PAICS: variants seen among roughly 807,000 people sequenced by gnomAD.
PAICS encodes phosphoribosylaminoimidazole carboxylase and phosphoribosylaminoimidazolesuccinocarboxamide synthase, also known as bifunctional phosphoribosylaminoimidazole carboxylase/phosphoribosylaminoimidazole succinocarboxamide synthetase.
Under a neutral mutation model 53.7 loss-of-function variants are expected in PAICS, and 33 were observed. That is an observed-to-expected ratio of 0.61 (90% CI 0.47 to 0.82). The LOEUF (loss-of-function observed/expected upper bound fraction) is 0.82. PAICS is among the 40% of genes least tolerant of loss of function. The pLI, the probability that PAICS is intolerant of heterozygous loss-of-function variation, is 0.00. For missense variants in PAICS, 394 were observed against 494.1 expected, an observed-to-expected ratio of 0.80 and a Z score of 1.92; for synonymous variants, 141 against 167.2, an observed-to-expected ratio of 0.84 and a Z score of 1.21.
At chr4:56,449,962 G>A (rs953117129) in intron 5 of PAICS, among the ~76,000 whole-genome samples, 51 of 148,608 alleles carry the variant, frequency 3.4e-4, no homozygotes, top group Non-Finnish European at 4.4e-4. Flanking sequence ...TTGACAGAGC[G>A]AGACTCTGTC....
intron 7 of PAICS, 30 bp downstream of exon 7, chr4:56,452,082 G>A (rs1299806171): frequency 2.1e-6 from 3 of 1,433,140 alleles, no homozygotes; most frequent in South Asian, 2.5e-5. Context: ...GACATTTCAG[G>A]TATTTCTGAT....
At chr4:56,435,129 A>G (rs531211606), upstream of PAICS, among the ~76,000 whole-genome samples, 8 of 152,298 alleles carry the variant, frequency 5.3e-5, no homozygotes, top group East Asian at 5.8e-4. Flanking sequence ...CCTAAAAGGC[A>G]TAAGTGGCTG....
chr4:56,459,495 C>A lies in PAICS; in HGVS notation c.1235C>A (p.Ser412Tyr), dbSNP rs775478666. The A allele has an allele frequency of 6.3e-7, 1 of 1,586,602 alleles. No individual in the cohort carries two copies. The highest frequency in any genetic ancestry group is 8.6e-7 in the Non-Finnish European group (1 of 1,160,266). Residue 412 changes from serine to tyrosine, a missense_variant, in exon 9 of 9, where the codon TCC becomes TAC. Transcript: ENST00000512576. ...GCAAGCATTTTGAACACATGGATTTCCTTGAAGCAGGCTGACAAGAAAATC... is the reference window on the plus strand; with the variant it reads ...GCAAGCATTTTGAACACATGGATTTACTTGAAGCAGGCTGACAAGAAAATC... The part of the protein sequence containing the change: ...LRASILNTWI[S>Y]LKQADKKIRE...
At chr4:56,453,849 T>C in intron 8 of PAICS, 88 bp downstream of exon 8, 5 of 892,026 alleles carry the variant, frequency 5.6e-6, no homozygotes, top group Non-Finnish European at 8.5e-6. Flanking sequence ...TAAAATCTCA[T>C]GTACCCATGA....
chr4:56,459,448 T>C lies in PAICS; in HGVS notation c.1188T>C (p.His396=), dbSNP rs748918494. 46 of 1,608,986 alleles carry C rather than the reference T, an allele frequency of 2.9e-5. No individual in the cohort carries two copies. Among genetic ancestry groups the C allele is most frequent in the Non-Finnish European group, 2.6e-6 (3 of 1,176,250 alleles). The change falls in exon 9 of 9, where the codon CAT becomes CAC. Residue 396 remains histidine (H), a synonymous_variant. Coordinates refer to ENST00000512576, the MANE Select transcript of PAICS (RefSeq NM_001079524.2). ...CTCAGATATTTGGGTTAAGCAACCA[T>C]TTGGTATGGAGCAAACTGCGAGCAA... is the stretch of plus-strand genomic sequence containing the variant. ...FAAQIFGLSN[H]LVWSKLRASI... is the part of the protein sequence containing the mutation.
Position 56,462,317 on chromosome 4 carries a change from G to C in PAICS, c.*2779G>C, listed in dbSNP as rs1719546211. On this transcript the variant is annotated 3_prime_UTR_variant, in exon 9 of 9. Coordinates refer to ENST00000512576, the MANE Select transcript of PAICS (RefSeq NM_001079524.2). ...GCTAGAGCTCTGTGAACAAGGATGA[G>C]AGTGGAAGACAATATAAGCAAAGGC... 6.6e-6 allele frequency: 1 copy of C among 152,212 alleles called. No individual in the cohort carries two copies. Among genetic ancestry groups the C allele is most frequent in the African/African-American group, 2.4e-5 (1 of 41,458 alleles). The allele number at this position is 152,212 out of a possible 1,614,324, so 9.4% of individuals were successfully genotyped here.
At chr4:56,455,040 C>T (rs920310464) in intron 8 of PAICS, among the ~76,000 whole-genome samples, 1 of 152,076 alleles carries the variant, frequency 6.6e-6, no homozygotes, top group Non-Finnish European at 1.5e-5. Flanking sequence ...CATCTGTAAT[C>T]CCAGCTACTC....
the PAICS span, among the ~76,000 whole-genome samples, chr4:56,430,058 C>G: frequency 6.6e-6 from 1 of 152,078 alleles, no homozygotes; most frequent in Non-Finnish European, 1.5e-5. Flanking sequence ...CTCAGGAGTT[C>G]AAGACCAGTC....
chr4:56,429,459 T>C, the PAICS span, among the ~76,000 whole-genome samples: 2 of 152,122 alleles, frequency 1.3e-5, no homozygotes, highest in African/African-American at 4.8e-5. Context: ...GAGCTGTAAT[T>C]CCAAAATGAC....
chr4:56,416,062 T>A, the PAICS span, among the ~76,000 whole-genome samples: 3 of 80,378 alleles, frequency 3.7e-5, no homozygotes, highest in Admixed American at 5.1e-4. Flanking sequence ...AGAGTAAGAC[T>A]CTGTCTCAAA....
At chr4:56,445,224 C>T (rs1381624031) in intron 2 of PAICS, among the ~76,000 whole-genome samples, 2 of 152,104 alleles carry the variant, frequency 1.3e-5, no homozygotes, top group Non-Finnish European at 2.9e-5. Flanking sequence ...GGCTCCATTA[C>T]CAAATGGCTA....
chr4:56,438,011 G>A (rs977945943), intron 1 of PAICS, among the ~76,000 whole-genome samples: 3 of 151,808 alleles, frequency 2.0e-5, no homozygotes, highest in African/African-American at 7.3e-5. Flanking sequence ...CCGTTGGCAG[G>A]TTGATTTTTC....
At chr4:56,416,144 A>T in the PAICS span, among the ~76,000 whole-genome samples, 2 of 152,144 alleles carry the variant, frequency 1.3e-5, no homozygotes, top group Non-Finnish European at 2.9e-5. Flanking sequence ...TTATCAAACA[A>T]TTCTAGCAGA....
chr4:56,435,227 A>G (rs1717835709), upstream of PAICS: 10 of 1,405,214 alleles, frequency 7.1e-6, no homozygotes, highest in East Asian at 2.1e-4. Context: ...ACAGGCAGGT[A>G]CTGGCTTAGG....
At chr4:56,458,259 C>A (rs1163203063) in intron 8 of PAICS, among the ~76,000 whole-genome samples, 6 of 151,136 alleles carry the variant, frequency 4.0e-5, no homozygotes, top group African/African-American at 1.5e-4. Context: ...TTTCTCATCT[C>A]TGATGTCATG....
the PAICS span, among the ~76,000 whole-genome samples, chr4:56,424,938 T>C: frequency 4.3e-4 from 66 of 152,206 alleles, no homozygotes; most frequent in Non-Finnish European, 7.9e-4. Context: ...TAAATAAGCA[T>C]AGAAGTTTCA....
rs1038698547 is a variant in PAICS at position 56,464,532 on chromosome 4, A to G, written c.*4994A>G. The G allele has an allele frequency of 1.3e-5, 2 of 152,200 alleles. No individual in the cohort carries two copies. The highest frequency in any genetic ancestry group is 6.5e-5 in the Admixed American group (1 of 15,272). 9.4% of individuals were successfully genotyped at this position (152,200 alleles called of 1,614,324 possible). A position where few individuals can be genotyped will look rare whatever the true frequency, so the allele number is the denominator to read the frequency against. On this transcript the variant is annotated 3_prime_UTR_variant, in exon 9 of 9. Transcript: ENST00000512576. The stretch of plus-strand genomic sequence containing the variant: ...TTACCACCAAACATAGTACATGTTT[A>G]TTTATTACCCATCTCTCCCAACTAG...
At chr4:56,432,997 T>A (rs1279351805), upstream of PAICS, among the ~76,000 whole-genome samples, 2 of 148,436 alleles carry the variant, frequency 1.3e-5, no homozygotes, top group Non-Finnish European at 3.0e-5. Context: ...CACACGTATT[T>A]TATATATATA....
intron 3 of PAICS, among the ~76,000 whole-genome samples, chr4:56,448,207 G>A (rs919995579): frequency 2.8e-5 from 3 of 106,560 alleles, no homozygotes. Flanking sequence ...GGGTTTCACT[G>A]TGTTGGCCAG....
Sources: allele counts gnomAD v4.1 joint callset (sites outside exome capture counted in the v4.1 genomes callset), GRCh38; gene constraint gnomAD v4.1.1; transcripts MANE v1.5; gene names NCBI Gene and HGNC (gene_info 2026-07-23, HGNC 2026-07-21).